PREX2: variants seen among roughly 807,000 people sequenced by gnomAD.
The protein encoded by PREX2 is phosphatidylinositol-3,4,5-trisphosphate dependent Rac exchange factor 2.
A neutral mutation model predicts 203.2 loss-of-function variants in PREX2; 107 were observed. The observed-to-expected ratio is 0.53, with a 90% CI of 0.45 to 0.62. The LOEUF (loss-of-function observed/expected upper bound fraction) is 0.62, where lower values mean the gene tolerates loss of function less well. Ranked by LOEUF, PREX2 falls within the 20% of genes least tolerant of loss-of-function variation. The pLI is 0.00. For synonymous variants in PREX2, 672 were observed against 663.6 expected (o/e 1.01, Z -0.19); for missense variants, 1,777 against 1,955.9 (o/e 0.91, Z 1.72).
chr8:68,170,717 C>G (rs1012423695), intron 35 of PREX2, among the ~76,000 whole-genome samples: 4 of 152,140 alleles, frequency 2.6e-5, no homozygotes, highest in African/African-American at 9.7e-5. Flanking sequence ...TTTTTATCCC[C>G]TCCATTCACC....
intron 23 of PREX2, chr8:68,100,214 T>C (rs1291444246): frequency 4.3e-6 from 2 of 459,844 alleles, no homozygotes; most frequent in South Asian, 3.1e-5. Flanking sequence ...GAATGAAAAC[T>C]CTCAATCAGA....
intron 1 of PREX2, among the ~76,000 whole-genome samples, chr8:67,956,233 A>G (rs1309322168): frequency 1.3e-5 from 2 of 152,234 alleles, no homozygotes; most frequent in African/African-American, 4.8e-5. Context: ...AAGTCTGGAC[A>G]ATAGTAAGTT....
At position 68,155,301 on chromosome 8, in the gene PREX2, A is replaced by C. The variant is rs138031541; in HGVS notation, c.4232-2021A>C. Among the ~76,000 whole-genome samples, 230 of 152,348 alleles carry C rather than the reference A, an allele frequency of 1.5e-3. 1 individual carries two copies. Among genetic ancestry groups the C allele is most frequent in the African/African-American group, 5.4e-3 (223 of 41,586 alleles). ...AATTAAAAATCTGTGAAACAAGCAC[A>C]CAAATTTCATTTTCTGTACTGAAGT... On this transcript the variant is annotated intron_variant, in intron 34 of 39. Coordinates refer to ENST00000288368, the MANE Select transcript of PREX2 (RefSeq NM_024870.4).
intron 31 of PREX2, among the ~76,000 whole-genome samples, 180 bp downstream of exon 31, chr8:68,127,599 A>AATAT (rs111771754): frequency 2.7e-5 from 4 of 150,704 alleles, no homozygotes; most frequent in African/African-American, 9.7e-5. Flanking sequence ...TAAAAATGCA[A>AATAT]ATATATATAT....
intron 14 of PREX2, among the ~76,000 whole-genome samples, chr8:68,076,126 A>T (rs1809340214): frequency 6.6e-6 from 1 of 152,202 alleles, no homozygotes; most frequent in Non-Finnish European, 1.5e-5. Flanking sequence ...CTAAAAGAAC[A>T]GTCTGTTTAG....
chr8:67,988,211 C>G (rs1335074163), intron 1 of PREX2, among the ~76,000 whole-genome samples: 1 of 152,208 alleles, frequency 6.6e-6, no homozygotes, highest in Non-Finnish European at 1.5e-5. Flanking sequence ...TCAGCCTCTT[C>G]CCTCACTCTG....
Position 68,233,711 on chromosome 8 carries a change from C to T in PREX2, c.*2333C>T, listed in dbSNP as rs1344595947. On this transcript the variant is annotated 3_prime_UTR_variant, in exon 40 of 40. Transcript: ENST00000288368. ...TGACGTGACATGGTACTCTTTTTAT[C>T]GCGCCCATTTTTAGAGTTGAGGAAC... The T allele has an allele frequency of 2.6e-5, 4 of 152,048 alleles. No individual in the cohort carries two copies. The highest frequency in any genetic ancestry group is 2.1e-4 in the South Asian group (1 of 4,820). The allele number at this position is 152,048 out of a possible 1,614,324, so 9.4% of individuals were successfully genotyped here. A position where few individuals can be genotyped will look rare whatever the true frequency, so the allele number is the denominator to read the frequency against.
chr8:68,085,778 A>G (rs1809667784), intron 18 of PREX2, among the ~76,000 whole-genome samples: 1 of 152,204 alleles, frequency 6.6e-6, no homozygotes, highest in Non-Finnish European at 1.5e-5. Context: ...TAAGGAAAAA[A>G]TAATTCTCTT....
chr8:68,198,320 A>G lies in PREX2; in HGVS notation c.4604+5795A>G, dbSNP rs564646119. Among the ~76,000 whole-genome samples the G allele has an allele frequency of 6.6e-5, 10 of 152,164 alleles. 1 individual carries two copies. Among genetic ancestry groups the G allele is most frequent in the Non-Finnish European group, 1.3e-4 (9 of 68,020 alleles). ...TTGTTTCTCTACTAAGACTTGTGCT[A>G]TTTATATTTATATACCTGCTTTGTA... On this transcript the variant is annotated intron_variant, in intron 37 of 39. Transcript: ENST00000288368.
intron 33 of PREX2, among the ~76,000 whole-genome samples, chr8:68,144,332 T>C (rs1388949871): frequency 1.3e-5 from 2 of 152,166 alleles, no homozygotes; most frequent in Non-Finnish European, 2.9e-5. Flanking sequence ...ACATAAAATG[T>C]CTTTCCATTT....
chr8:68,106,975 C>T (rs1401260336), intron 23 of PREX2, among the ~76,000 whole-genome samples: 1 of 152,124 alleles, frequency 6.6e-6, no homozygotes, highest in African/African-American at 2.4e-5. Context: ...TTTGAGACTA[C>T]AATTCAGTCT....
At chr8:68,030,469 G>T (rs1403425249) in intron 5 of PREX2, 28 bp from the exon 6 acceptor site, 2 of 1,607,170 alleles carry the variant, frequency 1.2e-6, no homozygotes, top group African/African-American at 1.3e-5. Context: ...AAGATCAAAG[G>T]GCGATTTGTT....
Position 68,138,537 on chromosome 8 carries a change from C to T in PREX2, c.4087+20C>T, listed in dbSNP as rs766382556. ...TTGCAAGTAAGTAATTAGGTATTTA[C>T]AAAATTTATTTGGCATCAAATAATT... On this transcript the variant is annotated intron_variant, in intron 33 of 39. Transcript: ENST00000288368. 3 of 1,257,088 alleles carry T rather than the reference C, an allele frequency of 2.4e-6. No individual in the cohort carries two copies. The highest frequency in any genetic ancestry group is 2.0e-5 in the Admixed American group (1 of 50,914). The allele number at this position is 1,257,088 out of a possible 1,614,324, so 77.9% of individuals were successfully genotyped here. A position where few individuals can be genotyped will look rare whatever the true frequency, so the allele number is the denominator to read the frequency against.
intron 39 of PREX2, among the ~76,000 whole-genome samples, chr8:68,231,128 T>C (rs572632743): frequency 6.6e-6 from 1 of 152,342 alleles, no homozygotes; most frequent in African/African-American, 2.4e-5. Context: ...CATCAAGCTA[T>C]GCAGAGGGGC....
intron 38 of PREX2, among the ~76,000 whole-genome samples, chr8:68,220,615 A>G (rs1812934707): frequency 6.6e-6 from 1 of 152,138 alleles, no homozygotes; most frequent in Non-Finnish European, 1.5e-5. Flanking sequence ...GGGCACAAGC[A>G]AGCAAGTTTC....
At chr8:68,063,069 G>A (rs1808905363) in intron 11 of PREX2, among the ~76,000 whole-genome samples, 1 of 152,044 alleles carries the variant, frequency 6.6e-6, no homozygotes, top group South Asian at 2.1e-4. Flanking sequence ...GCATTATACG[G>A]CTGCTTTTAG....
intron 37 of PREX2, among the ~76,000 whole-genome samples, chr8:68,216,739 C>A (rs1173290829): frequency 6.6e-6 from 1 of 151,954 alleles, no homozygotes; most frequent in East Asian, 1.9e-4. Flanking sequence ...TGGTGGATCA[C>A]GAGGTCAGGA....
intron 35 of PREX2, among the ~76,000 whole-genome samples, chr8:68,186,083 T>TA (rs1812183297): frequency 6.6e-6 from 1 of 152,182 alleles, no homozygotes; most frequent in African/African-American, 2.4e-5. Flanking sequence ...TTCTGAAAGA[T>TA]ACTGAAGTTC....
chr8:68,091,624 G>A (rs1001660600), intron 20 of PREX2, among the ~76,000 whole-genome samples: 3 of 152,178 alleles, frequency 2.0e-5, no homozygotes, highest in Non-Finnish European at 2.9e-5. Context: ...GTCAGACCTA[G>A]CATAGCAAAT....
Sources: gnomAD v4.1 joint callset for allele counts (sites outside exome capture counted in the v4.1 genomes callset) on GRCh38, gnomAD v4.1.1 for gene constraint, MANE v1.5 for transcripts, NCBI Gene and HGNC (gene_info 2026-07-23, HGNC 2026-07-21) for gene names.